Variants in ADAM23 observed in about 807,000 individuals in gnomAD.
ADAM23 encodes the protein disintegrin and metalloproteinase domain-containing protein 23.
Under a neutral mutation model 120.1 loss-of-function variants are expected in ADAM23, and 33 were observed. That is an observed-to-expected ratio of 0.27 (90% CI 0.21 to 0.37). The LOEUF (loss-of-function observed/expected upper bound fraction) is 0.37. Among genes scored for constraint, ADAM23 ranks in the 10% least tolerant of loss-of-function variants. ADAM23 has a pLI of 1.00. For missense variants in ADAM23, 862 were observed against 1,058.2 expected (o/e 0.81, Z 2.57); for synonymous variants, 367 against 375.2 (o/e 0.98, Z 0.25).
At chr2:206,477,922 A>ATATATATATATATATATATATATATAT (rs1491552690) in intron 2 of ADAM23, among the ~76,000 whole-genome samples, 3 of 137,154 alleles carry the variant, frequency 2.2e-5, no homozygotes, top group South Asian at 2.2e-4. Context: ...ATATATATAT[A>ATATATATATATATATATATATATATAT]AAACAACAAT....
chr2:206,600,616 T>C (rs1698622668), intron 24 of ADAM23, among the ~76,000 whole-genome samples: 1 of 152,190 alleles, frequency 6.6e-6, no homozygotes, highest in Admixed American at 6.5e-5. Flanking sequence ...CTGATGTGTT[T>C]TGTGTATTTC....
rs762067461 is a variant in ADAM23 at position 206,550,125 on chromosome 2, T to C, written c.898T>C (p.Tyr300His). 1.3e-6 allele frequency: 2 copies of C among 1,585,572 alleles called. No homozygotes were observed. The highest frequency in any genetic ancestry group is 1.7e-6 in the Non-Finnish European group (2 of 1,157,850). Residue 300 changes from tyrosine to histidine, a missense_variant, in exon 9 of 26, where the codon TAT becomes CAT. Coordinates refer to ENST00000264377, the MANE Select transcript of ADAM23 (RefSeq NM_003812.4). ...PSRGIFEEMK[Y>H]LELMIVNDHK... Reference sequence around the variant, plus strand: ...ACGTGGTATATTTGAAGAAATGAAATATTTGGAACTTATGATTGTTAATGA... The same window carrying C: ...ACGTGGTATATTTGAAGAAATGAAACATTTGGAACTTATGATTGTTAATGA...
chr2:206,567,223 G>T lies in ADAM23; in HGVS notation c.1395G>T (p.Gly465=). 1.9e-6 allele frequency: 3 copies of T among 1,607,534 alleles called. No individual in the cohort carries two copies. The highest frequency in any genetic ancestry group is 1.7e-6 in the Non-Finnish European group (2 of 1,174,974). Reference sequence around the variant, plus strand: ...CATAGTTGATTCTTTGTTTCCTCAGGGTGTCCCATTCTCGAAAATTTTCAA... The same window carrying T: ...CATAGTTGATTCTTTGTTTCCTCAGTGTGTCCCATTCTCGAAAATTTTCAA... ...SWGGCIMEET[G]VSHSRKFSKC... Residue 465 remains glycine, a splice_region_variant and synonymous_variant, in exon 15 of 26, where the codon GGG becomes GGT. Coordinates refer to ENST00000264377, the MANE Select transcript of ADAM23 (RefSeq NM_003812.4).
intron 25 of ADAM23, among the ~76,000 whole-genome samples, chr2:206,614,596 G>A (rs1444511815): frequency 1.3e-5 from 2 of 151,798 alleles, no homozygotes; most frequent in African/African-American, 4.8e-5. Context: ...AGGTTGCAGT[G>A]AGCCGAGACT....
intron 3 of ADAM23, among the ~76,000 whole-genome samples, chr2:206,529,555 C>T (rs1697009697): frequency 6.6e-6 from 1 of 152,064 alleles, no homozygotes; most frequent in South Asian, 2.1e-4. Flanking sequence ...CATGCCACCA[C>T]ACCTGGCTAA....
chr2:206,471,009 A>G (rs1305278147), intron 2 of ADAM23, among the ~76,000 whole-genome samples: 1 of 152,178 alleles, frequency 6.6e-6, no homozygotes, highest in Non-Finnish European at 1.5e-5. Context: ...CTGCAAATGG[A>G]AATATCAGCT....
At chr2:206,522,401 AC>A (rs1696862740) in intron 3 of ADAM23, among the ~76,000 whole-genome samples, 1 of 152,050 alleles carries the variant, frequency 6.6e-6, no homozygotes, top group Non-Finnish European at 1.5e-5. Context: ...TTTTATATAT[AC>A]CTAGGAAGAA....
chr2:206,503,183 G>A (rs1158622482), intron 3 of ADAM23, among the ~76,000 whole-genome samples: 2 of 152,132 alleles, frequency 1.3e-5, no homozygotes, highest in East Asian at 1.9e-4. Context: ...GGGCTGCACT[G>A]ATCTCCTCTT....
chr2:206,558,920 T>TG lies in ADAM23; in HGVS notation c.1006-1035_1006-1034insG, dbSNP rs200878236. 3.6e-3 allele frequency among the ~76,000 whole-genome samples: 431 copies of TG among 119,746 alleles called. 2 individuals are homozygous for TG. The highest frequency in any genetic ancestry group is 0.011 in the East Asian group (50 of 4,388). The allele number at this position is 119,746 out of a possible 152,430, so 78.6% of individuals were successfully genotyped here. A position where few individuals can be genotyped will look rare whatever the true frequency, so the allele number is the denominator to read the frequency against. On this transcript the variant is annotated intron_variant, in intron 10 of 25. Coordinates refer to ENST00000264377, the MANE Select transcript of ADAM23 (RefSeq NM_003812.4). ...AGTGTGTTCAAAGATCATCCATTGG[T>TG]TTTTGTTTGTTTGTTTGTTTGTTTG... is the stretch of plus-strand genomic sequence containing the variant.
chr2:206,594,523 G>A (rs1698483962), intron 22 of ADAM23, among the ~76,000 whole-genome samples: 1 of 152,110 alleles, frequency 6.6e-6, no homozygotes, highest in Admixed American at 6.6e-5. Flanking sequence ...TTGTTGATGT[G>A]TACTGTAATA....
intron 18 of ADAM23, among the ~76,000 whole-genome samples, chr2:206,574,511 T>C (rs1411364256): frequency 1.3e-5 from 2 of 152,110 alleles, no homozygotes; most frequent in African/African-American, 4.8e-5. Flanking sequence ...AGTTTTCTTT[T>C]CTGGTCCTTA....
chr2:206,474,025 CAAAA>C (rs543494446), intron 2 of ADAM23, among the ~76,000 whole-genome samples: 3 of 128,266 alleles, frequency 2.3e-5, no homozygotes, highest in Admixed American at 7.9e-5. Flanking sequence ...AAAAAAAAAA[CAAAA>C]AAAAAAAACC....
intron 6 of ADAM23, among the ~76,000 whole-genome samples, chr2:206,547,008 C>A (rs1476569333): frequency 6.6e-6 from 1 of 151,990 alleles, no homozygotes; most frequent in African/African-American, 2.4e-5. Flanking sequence ...GTGCTTTTGG[C>A]CTTACAATGG....
At chr2:206,562,996 T>G (rs1697800237) in intron 13 of ADAM23, among the ~76,000 whole-genome samples, 2 of 152,246 alleles carry the variant, frequency 1.3e-5, no homozygotes, top group African/African-American at 4.8e-5. Context: ...GGGCTCACAG[T>G]AATCTGAAGG....
intron 3 of ADAM23, among the ~76,000 whole-genome samples, chr2:206,508,538 C>T (rs140913408): frequency 6.6e-5 from 10 of 151,772 alleles, no homozygotes; most frequent in South Asian, 2.1e-4. Flanking sequence ...CACCTGTAGT[C>T]GCAGCTACCC....
intron 3 of ADAM23, among the ~76,000 whole-genome samples, chr2:206,505,122 C>T (rs1363818099): frequency 6.6e-6 from 1 of 152,060 alleles, no homozygotes; most frequent in Non-Finnish European, 1.5e-5. Context: ...ATAGAATTTT[C>T]CAGGAGGTAT....
chr2:206,609,942 A>T lies in ADAM23; in HGVS notation c.2392A>T (p.Ile798Phe). 6.2e-7 allele frequency: 1 copy of T among 1,601,420 alleles called. No individual in the cohort carries two copies. Among genetic ancestry groups the T allele is most frequent in the Non-Finnish European group, 8.5e-7 (1 of 1,175,920 alleles). ...TGCCACCAATCTCATAATAGGCTCC[A>T]TCGCTGGTGCCATCCTGGTAGCAGC... is the stretch of plus-strand genomic sequence containing the variant. ...PSATNLIIGS[I>F]AGAILVAAIV... The change falls in exon 25 of 26, where the codon ATC becomes TTC. Residue 798 changes from isoleucine to phenylalanine, a missense_variant. Coordinates refer to ENST00000264377, the MANE Select transcript of ADAM23 (RefSeq NM_003812.4).
chr2:206,499,980 G>A (rs1030170234), intron 3 of ADAM23, among the ~76,000 whole-genome samples: 12 of 152,130 alleles, frequency 7.9e-5, no homozygotes, highest in South Asian at 2.1e-4. Flanking sequence ...AACAACACCC[G>A]TACTACATTT....
At chr2:206,567,102 A>G in intron 14 of ADAM23, 121 bp from the exon 15 acceptor site, 1 of 759,196 alleles carries the variant, frequency 1.3e-6, no homozygotes, top group Non-Finnish European at 2.1e-6. Flanking sequence ...CCTTGTCAAA[A>G]TTTGTGTAGA....
Sources: gnomAD v4.1 joint callset for allele counts (sites outside exome capture counted in the v4.1 genomes callset) on GRCh38, gnomAD v4.1.1 for gene constraint, MANE v1.5 for transcripts, NCBI Gene and HGNC (gene_info 2026-07-23, HGNC 2026-07-21) for gene names.